PCSK5: variants seen among roughly 807,000 people sequenced by gnomAD.
PCSK5 encodes the protein proprotein convertase subtilisin/kexin type 5.
PCSK5 carries 129 observed loss-of-function variants against 233.2 expected under a neutral mutation model. The observed-to-expected ratio is 0.55, with a 90% CI of 0.48 to 0.64. The LOEUF (loss-of-function observed/expected upper bound fraction) is 0.64, where lower values mean the gene tolerates loss of function less well. PCSK5 is among the 30% of genes least tolerant of loss of function. PCSK5 has a pLI of 0.00. For synonymous variants in PCSK5, 825 were observed against 879.2 expected (o/e 0.94, Z 1.09); for missense variants, 2,076 against 2,430.1 (o/e 0.85, Z 3.06).
chr9:76,200,583 G>T (rs561641144), intron 20 of PCSK5, among the ~76,000 whole-genome samples: 4 of 152,330 alleles, frequency 2.6e-5, no homozygotes, highest in African/African-American at 9.6e-5. Flanking sequence ...TTTGTGGAAT[G>T]AATGAATAAG....
intron 2 of PCSK5, among the ~76,000 whole-genome samples, chr9:75,967,418 G>A (rs960691447): frequency 4.6e-5 from 7 of 152,174 alleles, no homozygotes; most frequent in African/African-American, 1.7e-4. Context: ...TGCTGCAAAC[G>A]ACATGATTTC....
intron 1 of PCSK5, among the ~76,000 whole-genome samples, chr9:75,920,690 C>T (rs1823217474): frequency 6.6e-6 from 1 of 151,976 alleles, no homozygotes. Context: ...CCTGTAATCC[C>T]AGTTACTCTG....
chr9:76,322,569 A>C (rs903229176), intron 31 of PCSK5, among the ~76,000 whole-genome samples: 1 of 152,242 alleles, frequency 6.6e-6, no homozygotes, highest in African/African-American at 2.4e-5. Context: ...CACAAAAAAA[A>C]TAAACCCGCA....
rs951920996 is a variant in PCSK5 at position 76,046,179 on chromosome 9, T to G, written c.632+19142T>G. On this transcript the variant is annotated intron_variant, in intron 5 of 37. Transcript: ENST00000674117. ...TCTTTTGTTTTTTTTTTTTTTTTTTTTTTTTTTTTTTTTTTTGAGACGGAG... is the reference window on the plus strand; with the variant it reads ...TCTTTTGTTTTTTTTTTTTTTTTTTGTTTTTTTTTTTTTTTTGAGACGGAG... Among the ~76,000 whole-genome samples, 444 of 121,736 alleles carry G rather than the reference T, an allele frequency of 3.6e-3. 4 individuals carry two copies. Among genetic ancestry groups the G allele is most frequent in the African/African-American group, 0.012 (388 of 31,518 alleles). The allele number at this position is 121,736 out of a possible 152,430, so 79.9% of individuals were successfully genotyped here.
chr9:76,130,019 A>G (rs960354981), intron 9 of PCSK5, among the ~76,000 whole-genome samples: 2 of 152,182 alleles, frequency 1.3e-5, no homozygotes, highest in African/African-American at 4.8e-5. Flanking sequence ...AAGTGTGGCC[A>G]TGGCAGGGGA....
intron 2 of PCSK5, among the ~76,000 whole-genome samples, chr9:75,981,666 C>T (rs565418797): frequency 2.0e-5 from 3 of 152,258 alleles, no homozygotes; most frequent in South Asian, 4.2e-4. Flanking sequence ...GATCCTCCCA[C>T]CTCAGCTGCC....
At position 76,000,254 on chromosome 9, in the gene PCSK5, T is replaced by C. The variant is rs1033938846; in HGVS notation, c.411+14009T>C. 5.3e-5 allele frequency among the ~76,000 whole-genome samples: 8 copies of C among 152,336 alleles called. 1 individual carries two copies. The highest frequency in any genetic ancestry group is 2.6e-4 in the Admixed American group (4 of 15,300). ...CTGGCTGCAATCTCATGGGGTCATT[T>C]TGCAAGTTCTATCCCTGATATTATC... On this transcript the variant is annotated intron_variant, in intron 3 of 37. Coordinates refer to ENST00000674117, the MANE Select transcript of PCSK5 (RefSeq NM_001372043.1).
chr9:75,913,954 A>G (rs1822868872), intron 1 of PCSK5, among the ~76,000 whole-genome samples: 1 of 152,322 alleles, frequency 6.6e-6, no homozygotes, highest in African/African-American at 2.4e-5. Context: ...ATTCCTGAAG[A>G]TAATGCTTTT....
chr9:76,097,537 C>A (rs1189429108), intron 8 of PCSK5, among the ~76,000 whole-genome samples: 2 of 152,228 alleles, frequency 1.3e-5, no homozygotes, highest in Non-Finnish European at 2.9e-5. Flanking sequence ...AGCAACATAT[C>A]CTGCACTCTA....
chr9:76,077,598 T>C (rs1830686604), intron 7 of PCSK5, among the ~76,000 whole-genome samples: 1 of 152,136 alleles, frequency 6.6e-6, no homozygotes, highest in Non-Finnish European at 1.5e-5. Context: ...GTTGTTCCCA[T>C]CATTATGTCC....
At chr9:76,158,531 G>A (rs1412366278) in intron 11 of PCSK5, among the ~76,000 whole-genome samples, 1 of 152,152 alleles carries the variant, frequency 6.6e-6, no homozygotes, top group Admixed American at 6.5e-5. Flanking sequence ...TACAGAGCAA[G>A]GGATGTGAAC....
chr9:75,942,948 G>C (rs560911694), intron 2 of PCSK5, among the ~76,000 whole-genome samples: 16 of 145,636 alleles, frequency 1.1e-4, no homozygotes, highest in African/African-American at 4.1e-4. Context: ...GCAGTGGCGC[G>C]ATCTTGGCTC....
chr9:76,299,263 T>A (rs537607135), intron 27 of PCSK5, among the ~76,000 whole-genome samples: 1 of 152,210 alleles, frequency 6.6e-6, no homozygotes, highest in African/African-American at 2.4e-5. Flanking sequence ...CTCTCTGTTT[T>A]TTCAGCCACC....
intron 21 of PCSK5, among the ~76,000 whole-genome samples, chr9:76,231,106 G>A (rs1358377513): frequency 6.6e-6 from 1 of 152,150 alleles, no homozygotes; most frequent in African/African-American, 2.4e-5. Flanking sequence ...TTGACTCATA[G>A]TTCTGCATGA....
intron 1 of PCSK5, among the ~76,000 whole-genome samples, chr9:75,930,417 TG>T (rs1310036189): frequency 6.6e-6 from 1 of 152,176 alleles, no homozygotes; most frequent in Admixed American, 6.5e-5. Flanking sequence ...AGGAGGAGAA[TG>T]GTCTATTCAG....
chr9:76,139,897 A>G (rs1387868245), intron 10 of PCSK5, among the ~76,000 whole-genome samples: 4 of 152,146 alleles, frequency 2.6e-5, no homozygotes, highest in Admixed American at 2.0e-4. Flanking sequence ...CCATGGGAAT[A>G]TAGAAGCCCT....
chr9:76,089,828 T>C (rs937587972), intron 7 of PCSK5, among the ~76,000 whole-genome samples: 2 of 152,220 alleles, frequency 1.3e-5, no homozygotes, highest in Non-Finnish European at 2.9e-5. Context: ...TAATTGGTAA[T>C]CCAGCATAAA....
chr9:75,976,319 CA>C (rs1826018784), intron 2 of PCSK5, among the ~76,000 whole-genome samples: 8 of 144,140 alleles, frequency 5.6e-5, no homozygotes, highest in Admixed American at 3.5e-4. Flanking sequence ...CACACACACA[CA>C]CACCTTTTTC....
In PCSK5 at chr9:76,026,955, C is replaced by T; in HGVS notation, c.556-6C>T. The T allele has an allele frequency of 6.2e-7, 1 of 1,601,780 alleles. No individual in the cohort carries two copies. The highest frequency in any genetic ancestry group is 1.1e-5 in the South Asian group (1 of 89,972). ...CTTTCCCTTGCTCTCTCCTCTGTGG[C>T]CATAGGATGCTCTGGCAAGTTGCGA... On this transcript the variant is annotated splice_region_variant and splice_polypyrimidine_tract_variant and intron_variant, in intron 4 of 37. Transcript: ENST00000674117.
Sources: allele counts gnomAD v4.1 joint callset (sites outside exome capture counted in the v4.1 genomes callset), GRCh38; gene constraint gnomAD v4.1.1; transcripts MANE v1.5; gene names NCBI Gene and HGNC (gene_info 2026-07-23, HGNC 2026-07-21).